Variants in UBE3B observed in about 807,000 individuals in gnomAD.
UBE3B encodes ubiquitin protein ligase E3B.
UBE3B carries 80 observed loss-of-function variants against 132.3 expected under a neutral mutation model. The observed-to-expected ratio is 0.60, with a 90% CI of 0.50 to 0.73. UBE3B has a LOEUF of 0.73. UBE3B is among the 30% of genes least tolerant of loss of function. The probability of loss-of-function intolerance (pLI) is 0.00; values close to 1 mark genes in which losing one functional copy is unlikely to be tolerated. For missense variants in UBE3B, 1,196 were observed against 1,362.5 expected (o/e 0.88, Z 1.92); for synonymous variants, 487 against 520.4 (o/e 0.94, Z 0.87).
chr12:109,502,504 C>T (rs184303746), intron 13 of UBE3B, among the ~76,000 whole-genome samples: 1,780 of 152,286 alleles, frequency 0.012, 13 homozygotes, highest in South Asian at 0.039. Flanking sequence ...TGTTGCAAAA[C>T]TCTGTCTCAT....
At chr12:109,520,898 A>G (rs955585514) in intron 19 of UBE3B, 6 of 391,196 alleles carry the variant, frequency 1.5e-5, no homozygotes, top group African/African-American at 2.0e-5. Context: ...TCCCCATCTC[A>G]CTGCTCTGTC....
the UBE3B span, among the ~76,000 whole-genome samples, chr12:109,542,289 G>T: frequency 6.6e-6 from 1 of 152,192 alleles, no homozygotes; most frequent in Non-Finnish European, 1.5e-5. Context: ...CAGTCCATGG[G>T]TATGGGCCTG....
intron 1 of UBE3B, among the ~76,000 whole-genome samples, chr12:109,478,775 C>T (rs1267675830): frequency 6.6e-6 from 1 of 152,012 alleles, no homozygotes; most frequent in South Asian, 2.1e-4. Flanking sequence ...AGTGAGACTC[C>T]GTCTCAAAAA....
intron 4 of UBE3B, 119 bp from the exon 5 acceptor site, chr12:109,485,893 G>T: frequency 9.6e-7 from 1 of 1,046,846 alleles, no homozygotes; most frequent in South Asian, 1.5e-5. Context: ...ATGTGATTAT[G>T]TGTGAATCAC....
At chr12:109,539,126 C>T (rs1428657243), downstream of UBE3B, among the ~76,000 whole-genome samples, 3 of 152,164 alleles carry the variant, frequency 2.0e-5, no homozygotes, top group African/African-American at 7.2e-5. Context: ...GTCCCAGCTA[C>T]TCGGGAGGCT....
At chr12:109,524,192 GC>G (rs1442746795) in intron 22 of UBE3B, 77 bp downstream of exon 22, 2 of 1,583,982 alleles carry the variant, frequency 1.3e-6, no homozygotes, top group African/African-American at 1.3e-5. Flanking sequence ...GAAGGAGATG[GC>G]CTGTCCTCTC....
chr12:109,508,517 C>T, intron 15 of UBE3B: 5 of 985,432 alleles, frequency 5.1e-6, no homozygotes, highest in Non-Finnish European at 6.0e-6. Context: ...TTTCATTCCA[C>T]CTTTTCCCAA....
At position 109,530,637 on chromosome 12, in the gene UBE3B, T is replaced by C; in HGVS notation, c.2901T>C (p.Asp967=). 1 of 1,614,224 alleles carries C rather than the reference T, an allele frequency of 6.2e-7. No individual in the cohort carries two copies. ...WDILASDFTP[D]ERAMFLKFVT... Reference sequence around the variant, plus strand: ...TTCTGGCCTCCGACTTCACACCGGATGAGAGAGCTATGTTTCTGAAGGTAT... The same window carrying C: ...TTCTGGCCTCCGACTTCACACCGGACGAGAGAGCTATGTTTCTGAAGGTAT... The change falls in exon 26 of 28, where the codon GAT becomes GAC. Residue 967 remains aspartate (D), a synonymous_variant. Coordinates refer to ENST00000342494, the MANE Select transcript of UBE3B (RefSeq NM_130466.4).
At chr12:109,511,791 G>A (rs1031090570) in intron 18 of UBE3B, among the ~76,000 whole-genome samples, 1 of 152,172 alleles carries the variant, frequency 6.6e-6, no homozygotes, top group Non-Finnish European at 1.5e-5. Flanking sequence ...AGCTTAGGAG[G>A]CACCTGGTCA....
chr12:109,507,831 C>A, intron 15 of UBE3B, 96 bp downstream of exon 15: 1 of 1,392,304 alleles, frequency 7.2e-7, no homozygotes, highest in Non-Finnish European at 9.8e-7. Flanking sequence ...GTGATTACTG[C>A]AAACATTTGG....
At chr12:109,482,456 A>T (rs777653211) in intron 2 of UBE3B, among the ~76,000 whole-genome samples, 2 of 152,086 alleles carry the variant, frequency 1.3e-5, no homozygotes, top group Non-Finnish European at 2.9e-5. Context: ...GAGTTATTTC[A>T]CTTAGGATAG....
chr12:109,502,959 T>C, intron 13 of UBE3B, 64 bp from the exon 14 acceptor site: 2 of 1,602,664 alleles, frequency 1.2e-6, no homozygotes, highest in Admixed American at 3.3e-5. Flanking sequence ...GCTCTTCCTT[T>C]TCCAGGGTGG....
chr12:109,491,562 T>C (rs1877467650), intron 9 of UBE3B: 2 of 154,650 alleles, frequency 1.3e-5, no homozygotes, highest in Admixed American at 6.5e-5. Flanking sequence ...GAGGTGATAT[T>C]TGCCTTCACT....
chr12:109,521,354 C>T lies in UBE3B; in HGVS notation c.2253+30C>T, dbSNP rs941367657. 6.2e-7 allele frequency: 1 copy of T among 1,606,010 alleles called. No individual in the cohort carries two copies. The highest frequency in any genetic ancestry group is 1.1e-5 in the South Asian group (1 of 90,922). Reference sequence around the variant, plus strand: ...TTAAGGGGAGCAACAGCAGGGCTGACAGCAGCCAGATTCAAGAAGTGAAGA... The same window carrying T: ...TTAAGGGGAGCAACAGCAGGGCTGATAGCAGCCAGATTCAAGAAGTGAAGA... On this transcript the variant is annotated intron_variant, in intron 20 of 27. Coordinates refer to ENST00000342494, the MANE Select transcript of UBE3B (RefSeq NM_130466.4). This position sits in a 1 kb window ranked among gnomAD's most constrained non-coding sequence, Gnocchi z 4.2.
intron 1 of UBE3B, among the ~76,000 whole-genome samples, 152 bp downstream of exon 1, chr12:109,478,261 G>GC (rs1017292002): frequency 1.1e-4 from 17 of 152,118 alleles, no homozygotes; most frequent in Non-Finnish European, 2.9e-5. Flanking sequence ...CTCCAGCTTA[G>GC]CCCCCACAGG....
At chr12:109,516,167 C>CTTTTTTTTTTTTTTTTT (rs59084691) in intron 18 of UBE3B, among the ~76,000 whole-genome samples, 67 of 91,128 alleles carry the variant, frequency 7.4e-4, no homozygotes, top group Non-Finnish European at 8.7e-4. Flanking sequence ...TCTTTTTTTT[C>CTTTTTTTTTTTTTTTTT]TTTTTTTTTT....
In UBE3B at chr12:109,516,969, G is replaced by A. The variant is rs1881148240; in HGVS notation, c.2076+85G>A. 3 of 1,539,182 alleles carry A rather than the reference G, an allele frequency of 1.9e-6. No homozygotes were observed. In the East Asian group the frequency reaches 6.9e-5, roughly 36 times the overall value. ...CTTTAGTGGACGGTCTCTGGCTTTT[G>A]AACTGTTCCTGTTACTCCTTGATCT... On this transcript the variant is annotated intron_variant, in intron 19 of 27. Transcript: ENST00000342494.
At chr12:109,543,576 C>T in the UBE3B span, among the ~76,000 whole-genome samples, 1 of 152,216 alleles carries the variant, frequency 6.6e-6, no homozygotes, top group Non-Finnish European at 1.5e-5. Flanking sequence ...TGGTGGCTCA[C>T]GCCTGTAATC....
chr12:109,534,531 A>G lies in UBE3B; in HGVS notation c.3016-60A>G. 1 of 1,543,090 alleles carries G rather than the reference A, an allele frequency of 6.5e-7. No individual in the cohort carries two copies. The highest frequency in any genetic ancestry group is 1.2e-5 in the South Asian group (1 of 80,094). On this transcript the variant is annotated intron_variant, in intron 27 of 27. Coordinates refer to ENST00000342494, the MANE Select transcript of UBE3B (RefSeq NM_130466.4). This position sits in a 1 kb window ranked among gnomAD's most constrained non-coding sequence, Gnocchi z 5.2. ...CCTCCCTGGGCTCCCTGGCCTTGGC[A>G]TCAGCCTGGGCTCCCAAACTAGGCC... is the stretch of plus-strand genomic sequence containing the variant.
Sources: allele counts gnomAD v4.1 joint callset (sites outside exome capture counted in the v4.1 genomes callset), GRCh38; gene constraint gnomAD v4.1.1; non-coding constraint Gnocchi (gnomAD v3.1); transcripts MANE v1.5; gene names NCBI Gene and HGNC (gene_info 2026-07-23, HGNC 2026-07-21).